Variants in VASH1 observed in about 807,000 individuals in gnomAD.
VASH1 encodes vasohibin 1, also known as tubulinyl-Tyr carboxypeptidase 1.
Under a neutral mutation model 35.0 loss-of-function variants are expected in VASH1, and 16 were observed. The ratio of observed to expected loss-of-function variants is 0.46; its 90% CI spans 0.31 to 0.70. The LOEUF (loss-of-function observed/expected upper bound fraction) is 0.70. Among genes scored for constraint, VASH1 ranks in the 30% least tolerant of loss-of-function variants. VASH1 has a pLI of 0.05. For synonymous variants in VASH1, 214 were observed against 200.9 expected (o/e 1.07, Z -0.55); for missense variants, 505 against 510.7 (o/e 0.99, Z 0.11).
intron 1 of VASH1, 31 bp from the exon 2 acceptor site, chr14:76,769,932 C>A (rs199598173): frequency 1.2e-6 from 2 of 1,609,100 alleles, no homozygotes; most frequent in South Asian, 1.1e-5. Flanking sequence ...TGAGCCTCTT[C>A]TTGTGACCGG....
At chr14:76,768,444 A>C (rs948900811) in intron 1 of VASH1, among the ~76,000 whole-genome samples, 1 of 152,060 alleles carries the variant, frequency 6.6e-6, no homozygotes, top group African/African-American at 2.4e-5. Context: ...GAGAAGACCG[A>C]CGGGAGGGAG....
chr14:76,777,851 C>A, intron 5 of VASH1, 108 bp from the exon 6 acceptor site: 1 of 744,006 alleles, frequency 1.3e-6, no homozygotes, highest in Non-Finnish European at 2.0e-6. Context: ...CTTGAGGTTC[C>A]CCGGGCCTTC....
rs992387517 is a variant in VASH1, at chr14:76,780,768, A to T, written c.*1750A>T. On this transcript the variant is annotated 3_prime_UTR_variant, in exon 7 of 7. Transcript: ENST00000167106. ...CACTTAAAAAAAACTTAAAAACCCAATACTGGCAAAAGAGGATGCCAGTTT... is the reference window on the plus strand; with the variant it reads ...CACTTAAAAAAAACTTAAAAACCCATTACTGGCAAAAGAGGATGCCAGTTT... 3.9e-5 allele frequency: 6 copies of T among 152,364 alleles called. No individual in the cohort carries two copies. In the East Asian group the frequency reaches 1.2e-3, roughly 29 times the overall value. The allele number at this position is 152,364 out of a possible 1,614,324, so 9.4% of individuals were successfully genotyped here.
At chr14:76,765,002 C>T (rs1468491183) in intron 1 of VASH1, among the ~76,000 whole-genome samples, 3 of 152,142 alleles carry the variant, frequency 2.0e-5, no homozygotes, top group Non-Finnish European at 4.4e-5. Flanking sequence ...AGACATCCAT[C>T]ACCTTTACTT....
chr14:76,772,501 C>G (rs1893819546), intron 3 of VASH1, among the ~76,000 whole-genome samples: 1 of 152,300 alleles, frequency 6.6e-6, no homozygotes, highest in South Asian at 2.1e-4. Context: ...CCCTCCTGGG[C>G]AAAGCCAGTG....
rs769546200 is a variant in VASH1, at chr14:76,762,805, C to G, written c.-17C>G. The G allele has an allele frequency of 1.1e-4, 156 of 1,456,394 alleles. 1 individual carries two copies. The highest frequency in any genetic ancestry group is 4.7e-5 in the South Asian group (3 of 64,160). The allele number at this position is 1,456,394 out of a possible 1,614,324, so 90.2% of individuals were successfully genotyped here. A position where few individuals can be genotyped will look rare whatever the true frequency, so the allele number is the denominator to read the frequency against. On this transcript the variant is annotated 5_prime_UTR_variant, in exon 1 of 7. Coordinates refer to ENST00000167106, the MANE Select transcript of VASH1 (RefSeq NM_014909.5). ...AGTTGTTTTCCCGCCTCCACCACCC[C>G]CCTCGAAGATTTAGGGATGCCAGGG... is the stretch of plus-strand genomic sequence containing the variant.
intron 1 of VASH1, among the ~76,000 whole-genome samples, chr14:76,767,662 G>T (rs981888374): frequency 2.6e-5 from 4 of 152,184 alleles, no homozygotes; most frequent in Non-Finnish European, 5.9e-5. Context: ...GACCTAAAAT[G>T]GGCCTGGTCA....
intron 2 of VASH1, 120 bp from the exon 3 acceptor site, chr14:76,771,070 A>G: frequency 1.2e-6 from 1 of 837,052 alleles, no homozygotes; most frequent in Non-Finnish European, 1.8e-6. Flanking sequence ...GGGGAGAAGA[A>G]TTCATGCTGT....
rs914358369 is a variant in VASH1, at chr14:76,781,172, C to T, written c.*2154C>T. 2 of 152,294 alleles carry T rather than the reference C, an allele frequency of 1.3e-5. No homozygotes were observed. Among genetic ancestry groups the T allele is most frequent in the Admixed American group, 6.5e-5 (1 of 15,290 alleles). The allele number at this position is 152,294 out of a possible 1,614,324, so 9.4% of individuals were successfully genotyped here. On this transcript the variant is annotated 3_prime_UTR_variant, in exon 7 of 7. Transcript: ENST00000167106. ...AAACCAGCAGCGCTTGACCCAGAGC[C>T]AGATCCAGCATGGCCTGGCCAGAGG... is the stretch of plus-strand genomic sequence containing the variant.
rs755403551 is a variant in VASH1 at position 76,779,015 on chromosome 14, C to A, written c.1095C>A (p.Val365=). 3 of 1,614,028 alleles carry A rather than the reference C, an allele frequency of 1.9e-6. No individual in the cohort carries two copies. In the Admixed American group the frequency reaches 5.0e-5, roughly 27 times the overall value. Residue 365 remains valine (V), a synonymous_variant, in exon 7 of 7, where the codon GTC becomes GTA. Coordinates refer to ENST00000167106, the MANE Select transcript of VASH1 (RefSeq NM_014909.5). ...MPDLNGYQIR[V] The stretch of plus-strand genomic sequence containing the variant: ...ACCTTAACGGGTACCAGATCCGGGT[C>A]TGAGGCGGATGCCAGCACCCCAGGC...
chr14:76,765,012 T>G (rs1016754887), intron 1 of VASH1, among the ~76,000 whole-genome samples: 4 of 152,024 alleles, frequency 2.6e-5, no homozygotes, highest in African/African-American at 9.7e-5. Flanking sequence ...CACCTTTACT[T>G]ATGTGCTTTA....
At chr14:76,778,189 C>A in intron 6 of VASH1, 118 bp downstream of exon 6, 1 of 734,712 alleles carries the variant, frequency 1.4e-6, no homozygotes, top group Non-Finnish European at 2.0e-6. Context: ...TCGCTCCCAC[C>A]CAAGGGAGGT....
Position 76,779,147 on chromosome 14 carries a change from T to G in VASH1, c.*129T>G. ...GCAAGAGGCTGCAGGAAGAGTGTGT[T>G]CCAGCTCAGCCCCCCAAGCTGCTCT... On this transcript the variant is annotated 3_prime_UTR_variant, in exon 7 of 7. Transcript: ENST00000167106. 9.4e-7 allele frequency: 1 copy of G among 1,067,058 alleles called. No homozygotes were observed. Among genetic ancestry groups the G allele is most frequent in the Non-Finnish European group, 1.4e-6 (1 of 706,376 alleles). The allele number at this position is 1,067,058 out of a possible 1,614,324, so 66.1% of individuals were successfully genotyped here.
At chr14:76,763,194 G>T (rs953154269) in intron 1 of VASH1, 64 bp downstream of exon 1, 19 of 1,362,376 alleles carry the variant, frequency 1.4e-5, no homozygotes, top group Non-Finnish European at 1.7e-5. Context: ...GGGGCCAAGA[G>T]TGAAGCCACA....
intron 1 of VASH1, 115 bp from the exon 2 acceptor site, chr14:76,769,848 G>A: frequency 9.8e-7 from 1 of 1,020,316 alleles, no homozygotes; most frequent in African/African-American, 1.6e-5. Context: ...GGGAGGGAGG[G>A]GAGGCTGTGC....
At position 76,779,723 on chromosome 14, in the gene VASH1, T is replaced by G; in HGVS notation, c.*705T>G. The G allele has an allele frequency of 6.9e-6, 4 of 579,804 alleles. No homozygotes were observed. The highest frequency in any genetic ancestry group is 1.2e-5 in the Non-Finnish European group (4 of 327,190). 35.9% of individuals were successfully genotyped at this position (579,804 alleles called of 1,614,324 possible). On this transcript the variant is annotated 3_prime_UTR_variant, in exon 7 of 7. Transcript: ENST00000167106. ...CAGGGAAGGACCTCTGGGCAAAAAG[T>G]TCCCAGGCCCTAACTGCGTCTACTT...
intron 4 of VASH1, 23 bp downstream of exon 4, chr14:76,773,234 G>A (rs755800358): frequency 1.2e-6 from 2 of 1,613,080 alleles, no homozygotes; most frequent in Admixed American, 1.7e-5. Flanking sequence ...ACCTGAAGGG[G>A]AGGGGTCCGG....
At chr14:76,769,135 T>C (rs913088705) in intron 1 of VASH1, among the ~76,000 whole-genome samples, 1 of 151,906 alleles carries the variant, frequency 6.6e-6, no homozygotes, top group Non-Finnish European at 1.5e-5. Flanking sequence ...AGCCTGGGGG[T>C]CAGCTGTTCT....
chr14:76,763,210 C>T (rs536306568), intron 1 of VASH1, 80 bp downstream of exon 1: 8 of 1,301,738 alleles, frequency 6.1e-6, no homozygotes, highest in East Asian at 5.9e-5. Context: ...CCACACTCTC[C>T]TCCCACGGGG....
Sources: allele counts gnomAD v4.1 joint callset (sites outside exome capture counted in the v4.1 genomes callset), GRCh38; gene constraint gnomAD v4.1.1; transcripts MANE v1.5; gene names NCBI Gene and HGNC (gene_info 2026-07-23, HGNC 2026-07-21).